PTPRN2: variants seen among roughly 807,000 people sequenced by gnomAD.
PTPRN2 encodes protein tyrosine phosphatase receptor type N2.
A neutral mutation model predicts 118.8 loss-of-function variants in PTPRN2; 74 were observed. The ratio of observed to expected loss-of-function variants is 0.62; its 90% CI spans 0.52 to 0.76. The LOEUF (loss-of-function observed/expected upper bound fraction) is 0.76. PTPRN2 is among the 30% of genes least tolerant of loss of function. The probability of loss-of-function intolerance (pLI) is 0.00; values close to 1 mark genes in which losing one functional copy is unlikely to be tolerated. For missense variants in PTPRN2, 1,481 were observed against 1,394.4 expected, an observed-to-expected ratio of 1.06 and a Z score of -0.99; for synonymous variants, 641 against 608.0, an observed-to-expected ratio of 1.05 and a Z score of -0.80.
At chr7:158,333,007 C>A (rs1440582363) in intron 2 of PTPRN2, among the ~76,000 whole-genome samples, 1 of 130,482 alleles carries the variant, frequency 7.7e-6, no homozygotes, top group Non-Finnish European at 1.6e-5. Flanking sequence ...CACCCACACT[C>A]TCACCATAAG....
chr7:157,840,236 T>TGTGTGATTGTGTAACCGC (rs1808293659), intron 12 of PTPRN2, among the ~76,000 whole-genome samples: 1 of 146,138 alleles, frequency 6.8e-6, no homozygotes, highest in Admixed American at 6.8e-5. Flanking sequence ...TGTGTGACTG[T>TGTGTGATTGTGTAACCGC]GTGTGACTGT....
At chr7:157,759,417 C>T (rs772846234) in intron 12 of PTPRN2, among the ~76,000 whole-genome samples, 1 of 152,204 alleles carries the variant, frequency 6.6e-6, no homozygotes, top group Non-Finnish European at 1.5e-5. Flanking sequence ...TGGGAGAACC[C>T]GAGGTGGACA....
At position 158,280,011 on chromosome 7, in the gene PTPRN2, C is replaced by A. The variant is rs931787435; in HGVS notation, c.277+36808G>T. 1.1e-4 allele frequency among the ~76,000 whole-genome samples: 17 copies of A among 151,904 alleles called. No homozygotes were observed. The South Asian group carries it at 2.1e-3, about 19-fold the overall frequency. ...CGGCCCCCACGCCCCACCGCTGCCC[C>A]CGAACCCACAGAGCCCCGCGGCGGC... On this transcript the variant is annotated intron_variant, in intron 3 of 22. Coordinates refer to ENST00000389418, the MANE Select transcript of PTPRN2 (RefSeq NM_002847.5).
At chr7:158,334,496 C>T (rs375232822) in intron 2 of PTPRN2, among the ~76,000 whole-genome samples, 2 of 104,660 alleles carry the variant, frequency 1.9e-5, no homozygotes, top group South Asian at 3.9e-4. Context: ...ACGTCACTCA[C>T]ACCCACACTC....
chr7:158,460,426 G>A (rs1282968459), intron 2 of PTPRN2, among the ~76,000 whole-genome samples: 6 of 147,506 alleles, frequency 4.1e-5, no homozygotes, highest in African/African-American at 1.5e-4. Flanking sequence ...CCAGCTACAG[G>A]ATGGGACTCT....
intron 2 of PTPRN2, among the ~76,000 whole-genome samples, chr7:158,453,403 C>T (rs372457017): frequency 3.5e-4 from 39 of 111,256 alleles, no homozygotes; most frequent in South Asian, 3.1e-3. Context: ...CCTCACCGTA[C>T]GGTGCAGGGG....
Position 158,307,789 on chromosome 7 carries a change from G to A in PTPRN2, c.277+9030C>T, listed in dbSNP as rs1289029210. Among the ~76,000 whole-genome samples the A allele has an allele frequency of 2.6e-5, 4 of 152,152 alleles. No individual in the cohort carries two copies. In the East Asian group the frequency reaches 7.7e-4, roughly 29 times the overall value. On this transcript the variant is annotated intron_variant, in intron 3 of 22. Transcript: ENST00000389418. ...ATTTGGGAGTATCAGGAGGGAGGAG[G>A]AAACTGGGTCATGAGGGCTCTGCCC...
rs1563522262 is a variant in PTPRN2, at chr7:158,151,514, T to TGCCTCTCCCTGCCGA, written c.911-13000_911-12999insTCGGCAGGGAGAGGC. On this transcript the variant is annotated intron_variant, in intron 6 of 22. Coordinates refer to ENST00000389418, the MANE Select transcript of PTPRN2 (RefSeq NM_002847.5). ...CCCACACCGCCCGCCTTTCTGCTCC[T>TGCCTCTCCCTGCCGA]CACCGCACGTCCTACTCCAGGCGAT... Among the ~76,000 whole-genome samples, 6 of 146,076 alleles carry TGCCTCTCCCTGCCGA rather than the reference T, an allele frequency of 4.1e-5. 1 individual carries two copies. Among genetic ancestry groups the TGCCTCTCCCTGCCGA allele is most frequent in the African/African-American group, 7.5e-5 (3 of 39,852 alleles).
At chr7:158,467,453 T>A (rs1233836756) in intron 2 of PTPRN2, among the ~76,000 whole-genome samples, 3 of 152,208 alleles carry the variant, frequency 2.0e-5, no homozygotes, top group African/African-American at 7.2e-5. Flanking sequence ...AGCTTTTCAG[T>A]TTGATATAGT....
At chr7:157,652,948 C>T (rs1185048238) in intron 14 of PTPRN2, among the ~76,000 whole-genome samples, 1 of 152,228 alleles carries the variant, frequency 6.6e-6, no homozygotes, top group Admixed American at 6.5e-5. Flanking sequence ...GGTAGAGTGC[C>T]CCAGGGCGGG....
At chr7:158,451,496 G>A (rs1320210178) in intron 2 of PTPRN2, among the ~76,000 whole-genome samples, 1 of 152,166 alleles carries the variant, frequency 6.6e-6, no homozygotes, top group African/African-American at 2.4e-5. Flanking sequence ...ACACCCATGA[G>A]CACAGGAGTT....
intron 2 of PTPRN2, among the ~76,000 whole-genome samples, chr7:158,404,337 G>A (rs1813185842): frequency 6.6e-6 from 1 of 152,172 alleles, no homozygotes; most frequent in Non-Finnish European, 1.5e-5. Flanking sequence ...ATGGGAGGAT[G>A]CTGAGGAGAC....
At chr7:157,919,495 C>T (rs1024346290) in intron 11 of PTPRN2, among the ~76,000 whole-genome samples, 11 of 151,484 alleles carry the variant, frequency 7.3e-5, no homozygotes, top group Admixed American at 2.0e-4. Context: ...CCATTTATGA[C>T]GTCAAAGTAA....
rs1015686158 is a variant in PTPRN2, at chr7:157,619,764, C to G, written c.2344+1598G>C. Among the ~76,000 whole-genome samples the G allele has an allele frequency of 6.6e-6, 1 of 152,220 alleles. No individual in the cohort carries two copies. Among genetic ancestry groups the G allele is most frequent in the East Asian group, 1.9e-4 (1 of 5,194 alleles). On this transcript the variant is annotated intron_variant, in intron 15 of 22. Transcript: ENST00000389418. This position sits in a 1 kb window ranked among gnomAD's most constrained non-coding sequence, Gnocchi z 5.3. ...AACAAGATTCCAGCTTCTCACTGTT[C>G]TGACCTGTAACACTTCCTGAGGGCT...
At position 157,596,841 on chromosome 7, in the gene PTPRN2, T is replaced by C. The variant is rs1801371684; in HGVS notation, c.2419-1526A>G. 6.6e-6 allele frequency among the ~76,000 whole-genome samples: 1 copy of C among 152,232 alleles called. No individual in the cohort carries two copies. The highest frequency in any genetic ancestry group is 2.1e-4 in the South Asian group (1 of 4,830). On this transcript the variant is annotated intron_variant, in intron 16 of 22. Coordinates refer to ENST00000389418, the MANE Select transcript of PTPRN2 (RefSeq NM_002847.5). The surrounding 1 kb of genome is among the most constrained non-coding windows in gnomAD (Gnocchi z 4.2). ...GGGTTTGATTCGAGATTTACAATGT[T>C]CAGATTTCAAGGTAATTATTAAGAA...
chr7:157,580,506 GGCACCTGCACACCCCA>G (rs1474137507), intron 17 of PTPRN2, among the ~76,000 whole-genome samples: 7 of 91,276 alleles, frequency 7.7e-5, no homozygotes, highest in African/African-American at 3.1e-4. Context: ...TGCACACCGT[GGCACCTGCACACCCCA>G]GCACCTGCAC....
At position 158,451,467 on chromosome 7, in the gene PTPRN2, CT is replaced by C. The variant is rs535805863; in HGVS notation, c.163+38267del. 3.1e-3 allele frequency among the ~76,000 whole-genome samples: 478 copies of C among 152,300 alleles called. 2 individuals carry two copies. Among genetic ancestry groups the C allele is most frequent in the African/African-American group, 0.011 (452 of 41,564 alleles). ...AAACATTATATTCTCAGTTGAAAACCTTTATAGTCTTGCCTTTCACACCCAT... is the reference window on the plus strand; with the variant it reads ...AAACATTATATTCTCAGTTGAAAACCTTATAGTCTTGCCTTTCACACCCAT... On this transcript the variant is annotated intron_variant, in intron 2 of 22. Coordinates refer to ENST00000389418, the MANE Select transcript of PTPRN2 (RefSeq NM_002847.5).
At chr7:158,272,053 G>A (rs935760530) in intron 3 of PTPRN2, among the ~76,000 whole-genome samples, 1 of 152,216 alleles carries the variant, frequency 6.6e-6, no homozygotes, top group Non-Finnish European at 1.5e-5. Context: ...AGACGGTCAG[G>A]TTGTTCCCTC....
In PTPRN2 at chr7:157,603,932, C is replaced by T. The variant is rs2150582156; in HGVS notation, c.2418+70G>A. On this transcript the variant is annotated intron_variant, in intron 16 of 22. Coordinates refer to ENST00000389418, the MANE Select transcript of PTPRN2 (RefSeq NM_002847.5). This position sits in a 1 kb window ranked among gnomAD's most constrained non-coding sequence, Gnocchi z 5.4. ...GGACGTGATTTCCCCCGAGAACCTT[C>T]CCACGTGATTTGCCGCGTCCGTGCC... 6.9e-7 allele frequency: 1 copy of T among 1,442,644 alleles called. No homozygotes were observed. The highest frequency in any genetic ancestry group is 9.7e-7 in the Non-Finnish European group (1 of 1,029,814). The allele number at this position is 1,442,644 out of a possible 1,614,324, so 89.4% of individuals were successfully genotyped here.
Sources: gnomAD v4.1 joint callset for allele counts (sites outside exome capture counted in the v4.1 genomes callset) on GRCh38, gnomAD v4.1.1 for gene constraint, Gnocchi (gnomAD v3.1) non-coding constraint, MANE v1.5 for transcripts, NCBI Gene and HGNC (gene_info 2026-07-23, HGNC 2026-07-21) for gene names.